The following KDM1B variants were observed in gnomAD, a reference collection of about 807,000 sequenced individuals.
KDM1B encodes the protein lysine-specific histone demethylase 2.
Under a neutral mutation model 107.4 loss-of-function variants are expected in KDM1B, and 63 were observed. The ratio of observed to expected loss-of-function variants is 0.59; its 90% CI spans 0.48 to 0.72. KDM1B has a LOEUF of 0.72. Ranked by LOEUF, KDM1B falls within the 30% of genes least tolerant of loss-of-function variation. KDM1B has a pLI of 0.00. For synonymous variants in KDM1B, 363 were observed against 363.9 expected (o/e 1.00, Z 0.03); for missense variants, 749 against 1,020.8 (o/e 0.73, Z 3.63).
intron 10 of KDM1B, among the ~76,000 whole-genome samples, chr6:18,195,383 A>G (rs576183831): frequency 6.6e-6 from 1 of 152,344 alleles, no homozygotes; most frequent in Non-Finnish European, 1.5e-5. Flanking sequence ...TTTTAAATTG[A>G]GAAATTTAAA....
At position 18,187,826 on chromosome 6, in the gene KDM1B, C is replaced by G. The variant is rs752298447; in HGVS notation, c.608C>G (p.Ser203Cys). ...GAAGTTTCCAACCATTGGTGGTACT[C>G]TATGCTCATCCTACCTCCTTTGCTG... Reference protein sequence around the residue: ...VLEVSNHWWYSMLILPPLLKD... With the variant: ...VLEVSNHWWYCMLILPPLLKD... Residue 203 changes from serine to cysteine, a missense_variant, in exon 9 of 22, where the codon TCT becomes TGT. By Grantham distance (112) the Ser-to-Cys change is moderately radical. Coordinates refer to ENST00000650836, the MANE Select transcript of KDM1B (RefSeq NM_001364614.2). 73 of 1,550,264 alleles carry G rather than the reference C, an allele frequency of 4.7e-5. No homozygotes were observed. The highest frequency in any genetic ancestry group is 6.3e-5 in the Non-Finnish European group (72 of 1,146,898).
rs1043071222 is a variant in KDM1B at position 18,223,355 on chromosome 6, C to G, written c.*1363C>G. The G allele has an allele frequency of 6.5e-5, 9 of 138,246 alleles. No homozygotes were observed. The highest frequency in any genetic ancestry group is 1.5e-4 in the Admixed American group (2 of 13,740). 8.6% of individuals were successfully genotyped at this position (138,246 alleles called of 1,614,324 possible). A position where few individuals can be genotyped will look rare whatever the true frequency, so the allele number is the denominator to read the frequency against. On this transcript the variant is annotated 3_prime_UTR_variant, in exon 22 of 22. Transcript: ENST00000650836. The stretch of plus-strand genomic sequence containing the variant: ...CCCACCGCCCGCCCCCCGCCCCCCC[C>G]AATCAAAGTGTGGTCCCAAAACAAG...
At position 18,221,764 on chromosome 6, in the gene KDM1B, G is replaced by A. The variant is rs886125920; in HGVS notation, c.2386-145G>A. 9.6e-5 allele frequency: 63 copies of A among 659,462 alleles called. 1 individual carries two copies. The highest frequency in any genetic ancestry group is 9.5e-4 in the African/African-American group (52 of 54,802). The allele number at this position is 659,462 out of a possible 1,614,324, so 40.9% of individuals were successfully genotyped here. A position where few individuals can be genotyped will look rare whatever the true frequency, so the allele number is the denominator to read the frequency against. On this transcript the variant is annotated intron_variant, in intron 21 of 21. Coordinates refer to ENST00000650836, the MANE Select transcript of KDM1B (RefSeq NM_001364614.2). ...TGGCCAGATAACCAGAAAAGTTCCAGTGTTACGATGGGTGAGTGTGAATAT... is the reference window on the plus strand; with the variant it reads ...TGGCCAGATAACCAGAAAAGTTCCAATGTTACGATGGGTGAGTGTGAATAT...
At chr6:18,170,973 A>G (rs1785620403) in intron 6 of KDM1B, among the ~76,000 whole-genome samples, 1 of 152,010 alleles carries the variant, frequency 6.6e-6, no homozygotes, top group Non-Finnish European at 1.5e-5. Flanking sequence ...GGCGCCCGCC[A>G]CCACGCCTGG....
In KDM1B at chr6:18,207,412, G is replaced by A. The variant is rs112723954; in HGVS notation, c.1674G>A (p.Ser558=). 37 of 1,614,016 alleles carry A rather than the reference G, an allele frequency of 2.3e-5. No homozygotes were observed. In the South Asian group the frequency reaches 2.3e-4, roughly 10 times the overall value. The change falls in exon 16 of 22, where the codon TCG becomes TCA. Residue 558 remains serine (S), a synonymous_variant. Coordinates refer to ENST00000650836, the MANE Select transcript of KDM1B (RefSeq NM_001364614.2). The stretch of plus-strand genomic sequence containing the variant: ...TTGTTTCCCAGGTATCTGCTCGCTC[G>A]TGGGACCACAATGAATTCTTTGCCC... ...GSNLHQVSAR[S]WDHNEFFAQF... is the part of the protein sequence containing the mutation.
At chr6:18,210,531 A>AT (rs1002936703) in intron 17 of KDM1B, among the ~76,000 whole-genome samples, 604 of 147,278 alleles carry the variant, frequency 4.1e-3, no homozygotes, top group Non-Finnish European at 6.3e-3. Flanking sequence ...CTAATTAAAA[A>AT]TTTTTTTTTT....
chr6:18,185,261 G>A (rs1430400951), intron 7 of KDM1B, among the ~76,000 whole-genome samples: 1 of 151,236 alleles, frequency 6.6e-6, no homozygotes, highest in Non-Finnish European at 1.5e-5. Context: ...TTTCCACCAG[G>A]AACATCCTTA....
chr6:18,208,811 AT>A (rs374269145), intron 17 of KDM1B, among the ~76,000 whole-genome samples: 41,288 of 130,998 alleles, frequency 0.32, 6,676 homozygotes, highest in South Asian at 0.45. Flanking sequence ...CGCCTGGCTA[AT>A]TTTTTTTTTT....
intron 10 of KDM1B, among the ~76,000 whole-genome samples, chr6:18,193,668 C>G (rs1202363514): frequency 1.3e-5 from 2 of 151,868 alleles, no homozygotes; most frequent in African/African-American, 4.8e-5. Context: ...CAATCCAAGC[C>G]AGTGTTGTAT....
At chr6:18,206,180 T>C (rs1296645283) in intron 15 of KDM1B, among the ~76,000 whole-genome samples, 1 of 150,320 alleles carries the variant, frequency 6.7e-6, no homozygotes. Flanking sequence ...CAAGAGAAAC[T>C]CTTCTTCAGA....
intron 2 of KDM1B, among the ~76,000 whole-genome samples, chr6:18,156,916 CAAAA>C (rs998120970): frequency 6.6e-6 from 1 of 150,818 alleles, no homozygotes; most frequent in Non-Finnish European, 1.5e-5. Flanking sequence ...GACTCCGTCT[CAAAA>C]AAAAGAAAAA....
intron 10 of KDM1B, among the ~76,000 whole-genome samples, chr6:18,194,371 G>T (rs372255140): frequency 2.0e-5 from 3 of 152,050 alleles, no homozygotes; most frequent in African/African-American, 7.2e-5. Context: ...AGCTTTTTCT[G>T]TGGTCAGTAG....
chr6:18,199,860 A>C (rs1787920179), intron 12 of KDM1B, among the ~76,000 whole-genome samples: 2 of 152,178 alleles, frequency 1.3e-5, no homozygotes, highest in Non-Finnish European at 2.9e-5. Context: ...TTCAAAGTAC[A>C]TTTCATGTAC....
At chr6:18,196,070 T>C (rs1039651897) in intron 10 of KDM1B, among the ~76,000 whole-genome samples, 3 of 152,216 alleles carry the variant, frequency 2.0e-5, no homozygotes, top group Non-Finnish European at 4.4e-5. Flanking sequence ...CACATGTGTA[T>C]GTGAGATCAT....
In KDM1B at chr6:18,200,893, TAAAC is replaced by T. The variant is rs1383777409; in HGVS notation, c.1359+320_1359+323del. 6.6e-6 allele frequency among the ~76,000 whole-genome samples: 1 copy of T among 152,232 alleles called. No homozygotes were observed. The highest frequency in any genetic ancestry group is 1.5e-5 in the Non-Finnish European group (1 of 68,038). On this transcript the variant is annotated intron_variant, in intron 13 of 21. Transcript: ENST00000650836. This position sits in a 1 kb window ranked among gnomAD's most constrained non-coding sequence, Gnocchi z 4.3. ...TTCTCAATTAAATTTCATTTTCAGA[TAAAC>T]AAGTAATTTTTTACCCAAGTATTTC...
intron 21 of KDM1B, 101 bp from the exon 22 acceptor site, chr6:18,221,808 C>T: frequency 1.0e-6 from 1 of 958,964 alleles, no homozygotes; most frequent in East Asian, 2.4e-5. Flanking sequence ...AGGAGTGGCA[C>T]AAATCTTTAT....
At position 18,223,773 on chromosome 6, in the gene KDM1B, T is replaced by TATAC. The variant is rs1789977566; in HGVS notation, c.*1783_*1786dup. Reference sequence around the variant, plus strand: ...GATTTTGTAATTGAGTAGCAGTAAATATACAGATTTACAATGTTTTAACTA... The same window carrying TATAC: ...GATTTTGTAATTGAGTAGCAGTAAATATACATACAGATTTACAATGTTTTAACTA... On this transcript the variant is annotated 3_prime_UTR_variant, in exon 22 of 22. Transcript: ENST00000650836. The TATAC allele has an allele frequency of 6.6e-6, 1 of 152,190 alleles. No homozygotes were observed. The highest frequency in any genetic ancestry group is 2.4e-5 in the African/African-American group (1 of 41,456). 9.4% of individuals were successfully genotyped at this position (152,190 alleles called of 1,614,324 possible).
At chr6:18,184,274 T>C (rs1308672047) in intron 7 of KDM1B, among the ~76,000 whole-genome samples, 3 of 70,088 alleles carry the variant, frequency 4.3e-5, no homozygotes, top group East Asian at 1.3e-3. Context: ...TTCTAGCTTC[T>C]TTTTTTTTTT....
chr6:18,184,007 A>G (rs765064035), intron 7 of KDM1B, among the ~76,000 whole-genome samples: 12 of 151,944 alleles, frequency 7.9e-5, no homozygotes, highest in African/African-American at 1.2e-4. Flanking sequence ...AGTGAAATAT[A>G]CAAACAGAAG....
Sources: gnomAD v4.1 joint callset for allele counts (sites outside exome capture counted in the v4.1 genomes callset) on GRCh38, gnomAD v4.1.1 for gene constraint, Gnocchi (gnomAD v3.1) non-coding constraint, MANE v1.5 for transcripts, NCBI Gene and HGNC (gene_info 2026-07-23, HGNC 2026-07-21) for gene names.